The following KAT2B variants were observed in gnomAD, a reference collection of about 807,000 sequenced individuals.
KAT2B encodes histone acetyltransferase KAT2B.
Under a neutral mutation model 105.9 loss-of-function variants are expected in KAT2B, and 36 were observed. The observed-to-expected ratio is 0.34, with a 90% CI of 0.26 to 0.45. The LOEUF is 0.45. Ranked by LOEUF, KAT2B falls within the 20% of genes least tolerant of loss-of-function variation. The probability of loss-of-function intolerance (pLI) is 1.00; values close to 1 mark genes in which losing one functional copy is unlikely to be tolerated. For synonymous variants in KAT2B, 397 were observed against 377.9 expected (o/e 1.05, Z -0.59); for missense variants, 820 against 1,021.6 (o/e 0.80, Z 2.69).
At chr3:20,130,934 G>A (rs1699500287) in intron 11 of KAT2B, among the ~76,000 whole-genome samples, 1 of 151,064 alleles carries the variant, frequency 6.6e-6, no homozygotes, top group African/African-American at 2.4e-5. Flanking sequence ...GCGTGTGTGT[G>A]TGTGTTCTAA....
chr3:20,145,718 G>T (rs2125196325), intron 13 of KAT2B, among the ~76,000 whole-genome samples: 1 of 152,136 alleles, frequency 6.6e-6, no homozygotes, highest in South Asian at 2.1e-4. Flanking sequence ...TTTAATAGAT[G>T]ATACTTTAAA....
intron 2 of KAT2B, among the ~76,000 whole-genome samples, chr3:20,079,202 CTTTTT>C (rs61697250): frequency 4.9e-5 from 5 of 102,178 alleles, no homozygotes; most frequent in Non-Finnish European, 5.5e-5. Context: ...CACCTGGCCT[CTTTTT>C]TTTTTTTTTT....
intron 1 of KAT2B, among the ~76,000 whole-genome samples, chr3:20,059,412 C>CAAAA (rs34763319): frequency 5.2e-5 from 2 of 38,332 alleles, no homozygotes; most frequent in Admixed American, 4.0e-4. Flanking sequence ...GACTCTGTCT[C>CAAAA]AAAAAAAAAA....
chr3:20,062,744 G>C (rs536312367), intron 1 of KAT2B, among the ~76,000 whole-genome samples: 1 of 151,932 alleles, frequency 6.6e-6, no homozygotes, highest in Non-Finnish European at 1.5e-5. Context: ...TTACAGGCGT[G>C]AGTCACCGTG....
At chr3:20,144,889 A>T (rs1020504775) in intron 13 of KAT2B, among the ~76,000 whole-genome samples, 1 of 151,740 alleles carries the variant, frequency 6.6e-6, no homozygotes, top group East Asian at 1.9e-4. Flanking sequence ...TCCACCTCCC[A>T]GGTTCAAGCA....
intron 5 of KAT2B, among the ~76,000 whole-genome samples, chr3:20,103,550 C>T (rs774185147): frequency 1.8e-4 from 28 of 152,070 alleles, no homozygotes; most frequent in Admixed American, 7.9e-4. Context: ...GCTGGGACTA[C>T]AGGCACATGC....
At chr3:20,055,620 A>G (rs551258831) in intron 1 of KAT2B, among the ~76,000 whole-genome samples, 1 of 151,508 alleles carries the variant, frequency 6.6e-6, no homozygotes, top group Non-Finnish European at 1.5e-5. Flanking sequence ...CTGTGTGGCT[A>G]GATGGAGGTG....
At chr3:20,127,997 G>A (rs990092886) in intron 11 of KAT2B, among the ~76,000 whole-genome samples, 2 of 152,174 alleles carry the variant, frequency 1.3e-5, no homozygotes, top group African/African-American at 4.8e-5. Flanking sequence ...ACAGGCCACG[G>A]ACTGGTAATG....
intron 11 of KAT2B, among the ~76,000 whole-genome samples, chr3:20,129,630 T>C (rs1282968382): frequency 1.3e-5 from 2 of 152,130 alleles, no homozygotes; most frequent in African/African-American, 4.8e-5. Flanking sequence ...CCCTCCCTGG[T>C]CTCCCCAAGT....
At chr3:20,148,545 G>A in intron 17 of KAT2B, 58 bp downstream of exon 17, 1 of 1,238,484 alleles carries the variant, frequency 8.1e-7, no homozygotes, top group Middle Eastern at 2.1e-4. Context: ...CGGTGTGGGG[G>A]ACAAATGGTT....
chr3:20,102,655 G>T (rs1201430833), intron 5 of KAT2B, among the ~76,000 whole-genome samples: 1 of 152,054 alleles, frequency 6.6e-6, no homozygotes, highest in Non-Finnish European at 1.5e-5. Context: ...TAACAGAATT[G>T]GTTTTACAAA....
chr3:20,106,186 A>G (rs968121654), intron 5 of KAT2B, among the ~76,000 whole-genome samples: 4 of 152,360 alleles, frequency 2.6e-5, no homozygotes, highest in Admixed American at 2.6e-4. Flanking sequence ...CATCATCATG[A>G]TGTGAAAAAT....
chr3:20,119,742 A>G lies in KAT2B; in HGVS notation c.1276+19A>G, dbSNP rs369696915. The stretch of plus-strand genomic sequence containing the variant: ...AACCCAGGTAAGCTCTTAAGAGGGG[A>G]TAAGAGAGGGCTGTGACTTGCTCCA... On this transcript the variant is annotated intron_variant, in intron 8 of 17. Coordinates refer to ENST00000263754, the MANE Select transcript of KAT2B (RefSeq NM_003884.5). 1.2e-6 allele frequency: 2 copies of G among 1,613,350 alleles called. No individual in the cohort carries two copies. Among genetic ancestry groups the G allele is most frequent in the African/African-American group, 2.7e-5 (2 of 74,918 alleles).
chr3:20,127,277 C>T, intron 10 of KAT2B, 146 bp from the exon 11 acceptor site: 1 of 699,514 alleles, frequency 1.4e-6, no homozygotes, highest in African/African-American at 1.8e-5. Flanking sequence ...AAAGGATGGT[C>T]TAGCGAGATA....
chr3:20,069,144 C>T (rs2929389), intron 1 of KAT2B, among the ~76,000 whole-genome samples: 76,031 of 152,026 alleles, frequency 0.5, 20,202 homozygotes, highest in East Asian at 0.74. Flanking sequence ...ATATTCATTG[C>T]GTATGAACAT....
Position 20,122,727 on chromosome 3 carries a change from A to G in KAT2B, c.1336A>G (p.Met446Val). The change falls in exon 9 of 18, where the codon ATG (methionine) becomes GTG (valine). Residue 446 changes from methionine (M) to valine (V), a missense_variant. Transcript: ENST00000263754. ...VLEEAKKPRV[M>V]GDIPMELINE... ...GGAGGAGGCCAAGAAACCCCGAGTT[A>G]TGGGGGATATTCCGATGGAATTAAT... 4.3e-6 allele frequency: 7 copies of G among 1,614,032 alleles called. No homozygotes were observed. Among genetic ancestry groups the G allele is most frequent in the Non-Finnish European group, 5.9e-6 (7 of 1,179,896 alleles).
chr3:20,144,498 C>T (rs1366713536), intron 13 of KAT2B, among the ~76,000 whole-genome samples: 2 of 151,470 alleles, frequency 1.3e-5, no homozygotes, highest in East Asian at 3.9e-4. Context: ...ACTGTGTTAG[C>T]CAGGATGGTC....
chr3:20,058,415 A>C (rs1698037880), intron 1 of KAT2B, among the ~76,000 whole-genome samples: 1 of 142,242 alleles, frequency 7.0e-6, no homozygotes, highest in South Asian at 2.2e-4. Flanking sequence ...AGATTGCGCC[A>C]CTGCACCGTA....
At chr3:20,125,665 C>T (rs538055809) in intron 9 of KAT2B, among the ~76,000 whole-genome samples, 2 of 152,300 alleles carry the variant, frequency 1.3e-5, no homozygotes, top group South Asian at 4.1e-4. Flanking sequence ...GAATATCATC[C>T]GTGTACACAT....
Sources: allele counts gnomAD v4.1 joint callset (sites outside exome capture counted in the v4.1 genomes callset), GRCh38; gene constraint gnomAD v4.1.1; transcripts MANE v1.5; gene names NCBI Gene and HGNC (gene_info 2026-07-23, HGNC 2026-07-21).